Variants in GPBP1 observed in about 807,000 individuals in gnomAD.
GPBP1 encodes the protein GC-rich promoter binding protein 1.
In GPBP1, 13 loss-of-function variants were observed where a neutral mutation model predicts 56.5. The observed-to-expected ratio is 0.23, with a 90% CI of 0.15 to 0.37. The LOEUF (loss-of-function observed/expected upper bound fraction) is 0.37, where lower values mean the gene tolerates loss of function less well. Among genes scored for constraint, GPBP1 ranks in the 10% least tolerant of loss-of-function variants. The pLI is 1.00. For missense variants in GPBP1, 477 were observed against 572.3 expected (o/e 0.83, Z 1.70); for synonymous variants, 204 against 188.9 (o/e 1.08, Z -0.66).
chr5:57,230,789 G>C, intron 3 of GPBP1, 57 bp from the exon 4 acceptor site: 1 of 1,461,928 alleles, frequency 6.8e-7, no homozygotes, highest in Non-Finnish European at 9.4e-7. Context: ...AGTATTACTA[G>C]TTTTTAAAGT....
At chr5:57,232,748 A>G (rs1007264501) in intron 5 of GPBP1, among the ~76,000 whole-genome samples, 5 of 152,230 alleles carry the variant, frequency 3.3e-5, no homozygotes, top group Non-Finnish European at 5.9e-5. Flanking sequence ...GTGTACTCTC[A>G]TGGCAAAACT....
At chr5:57,237,178 T>C (rs1291219303) in intron 6 of GPBP1, 1 of 1,537,838 alleles carries the variant, frequency 6.5e-7, no homozygotes, top group Non-Finnish European at 8.8e-7. Context: ...CTTAGGTATG[T>C]TTCCTTATTA....
At chr5:57,212,202 A>G (rs962518161) in intron 2 of GPBP1, among the ~76,000 whole-genome samples, 1 of 152,138 alleles carries the variant, frequency 6.6e-6, no homozygotes, top group Non-Finnish European at 1.5e-5. Context: ...TGTTGGGATT[A>G]TACATGATTC....
chr5:57,178,631 T>C (rs1051026453), intron 2 of GPBP1, among the ~76,000 whole-genome samples: 4 of 152,276 alleles, frequency 2.6e-5, no homozygotes, highest in Non-Finnish European at 5.9e-5. Flanking sequence ...TCAGAGTTTT[T>C]AGCAATTAAC....
chr5:57,189,585 T>A (rs2111625732), intron 2 of GPBP1, among the ~76,000 whole-genome samples: 1 of 152,362 alleles, frequency 6.6e-6, no homozygotes, highest in South Asian at 2.1e-4. Flanking sequence ...ACTACTGTGG[T>A]AGCCTTTTAA....
intron 7 of GPBP1, among the ~76,000 whole-genome samples, 198 bp downstream of exon 7, chr5:57,246,682 G>A (rs1270255775): frequency 2.0e-5 from 3 of 151,874 alleles, no homozygotes; most frequent in Non-Finnish European, 4.4e-5. Context: ...TATTGTTTTA[G>A]CAGTAGTAAG....
At chr5:57,189,992 T>G (rs1435581115) in intron 2 of GPBP1, among the ~76,000 whole-genome samples, 1 of 152,212 alleles carries the variant, frequency 6.6e-6, no homozygotes, top group Non-Finnish European at 1.5e-5. Context: ...TTATTCTATA[T>G]TATTTCACTT....
At chr5:57,221,457 C>T in intron 3 of GPBP1, 2 of 987,226 alleles carry the variant, frequency 2.0e-6, no homozygotes, top group Non-Finnish European at 3.1e-6. Context: ...TAGCAAATTC[C>T]ATTTGTTATG....
At chr5:57,179,504 TGCCTG>T (rs1260330017) in intron 2 of GPBP1, among the ~76,000 whole-genome samples, 1 of 152,190 alleles carries the variant, frequency 6.6e-6, no homozygotes, top group Admixed American at 6.5e-5. Context: ...TAAACCACAG[TGCCTG>T]GCCTTGTATT....
At chr5:57,177,485 T>C (rs1254080647) in intron 2 of GPBP1, among the ~76,000 whole-genome samples, 8 of 152,060 alleles carry the variant, frequency 5.3e-5, no homozygotes, top group African/African-American at 1.9e-4. Flanking sequence ...AGACTAATTT[T>C]TATTTGAGAC....
In GPBP1 at chr5:57,263,004, C is replaced by CA. The variant is rs569235196; in HGVS notation, c.*253dup. On this transcript the variant is annotated 3_prime_UTR_variant, in exon 12 of 12. Coordinates refer to ENST00000506184, the MANE Select transcript of GPBP1 (RefSeq NM_022913.4). The stretch of plus-strand genomic sequence containing the variant: ...ACATTGACTTTCTTCATCACTGCAA[C>CA]ATTTCTCTGACTAGCAATGTGACGA... The CA allele has an allele frequency of 4.3e-4, 140 of 325,170 alleles. No individual in the cohort carries two copies. Among genetic ancestry groups the CA allele is most frequent in the African/African-American group, 2.8e-3 (133 of 46,974 alleles). The allele number at this position is 325,170 out of a possible 1,614,324, so 20.1% of individuals were successfully genotyped here. A position where few individuals can be genotyped will look rare whatever the true frequency, so the allele number is the denominator to read the frequency against.
Position 57,220,862 on chromosome 5 carries a change from T to G in GPBP1, c.63+6669T>G, listed in dbSNP as rs1010400060. Among the ~76,000 whole-genome samples the G allele has an allele frequency of 2.0e-5, 3 of 152,198 alleles. No homozygotes were observed. The East Asian group carries it at 5.8e-4, about 29-fold the overall frequency. ...AGTGATACTTTTATTGTACCTTTTCTGTCTTATTCTTTCTCAGAATCATCA... is the reference window on the plus strand; with the variant it reads ...AGTGATACTTTTATTGTACCTTTTCGGTCTTATTCTTTCTCAGAATCATCA... On this transcript the variant is annotated intron_variant, in intron 3 of 11. Coordinates refer to ENST00000506184, the MANE Select transcript of GPBP1 (RefSeq NM_022913.4).
intron 3 of GPBP1, among the ~76,000 whole-genome samples, chr5:57,223,827 GTTTATTTTAT>G (rs971469178): frequency 1.3e-5 from 2 of 149,310 alleles, no homozygotes; most frequent in African/African-American, 2.4e-5. Flanking sequence ...ATATATATTT[GTTTATTTTAT>G]TTTATTTTAT....
intron 5 of GPBP1, among the ~76,000 whole-genome samples, chr5:57,235,529 T>C (rs1245755222): frequency 1.3e-5 from 2 of 152,142 alleles, no homozygotes; most frequent in Non-Finnish European, 2.9e-5. Context: ...TTCTTAGTTA[T>C]GGATAAGGAA....
At chr5:57,226,581 A>G (rs1264572056) in intron 3 of GPBP1, among the ~76,000 whole-genome samples, 4 of 86,438 alleles carry the variant, frequency 4.6e-5, no homozygotes, top group African/African-American at 9.4e-5. Flanking sequence ...TTTTTTTGAG[A>G]TTGAGTCTTG....
chr5:57,188,524 C>T (rs1047407483), intron 2 of GPBP1, among the ~76,000 whole-genome samples: 9 of 151,718 alleles, frequency 5.9e-5, no homozygotes, highest in Admixed American at 1.3e-4. Flanking sequence ...GTGGATTGCT[C>T]GGGAGTTTGC....
chr5:57,206,704 G>A (rs1755248452), intron 2 of GPBP1, among the ~76,000 whole-genome samples: 1 of 152,056 alleles, frequency 6.6e-6, no homozygotes, highest in Admixed American at 6.6e-5. Flanking sequence ...TTTGGGTAGG[G>A]GGGTCCAATG....
At chr5:57,208,484 T>C (rs831654) in intron 2 of GPBP1, among the ~76,000 whole-genome samples, 60,961 of 151,648 alleles carry the variant, frequency 0.4, 12,534 homozygotes, top group South Asian at 0.45. Context: ...CTGCTCACCT[T>C]GTCCTCCCAC....
At chr5:57,241,195 A>G (rs1310490001) in intron 6 of GPBP1, among the ~76,000 whole-genome samples, 7 of 152,216 alleles carry the variant, frequency 4.6e-5, no homozygotes, top group East Asian at 3.8e-4. Context: ...GAAGGTAGCT[A>G]TATGGAGAGT....
Sources: allele counts gnomAD v4.1 joint callset (sites outside exome capture counted in the v4.1 genomes callset), GRCh38; gene constraint gnomAD v4.1.1; transcripts MANE v1.5; gene names NCBI Gene and HGNC (gene_info 2026-07-23, HGNC 2026-07-21).